The following ZFYVE9 variants were observed in gnomAD, a reference collection of about 807,000 sequenced individuals.
The protein encoded by ZFYVE9 is zinc finger FYVE-type containing 9.
Under a neutral mutation model 126.7 loss-of-function variants are expected in ZFYVE9, and 43 were observed. The ratio of observed to expected loss-of-function variants is 0.34; its 90% confidence interval spans 0.27 to 0.44. The LOEUF is 0.44. Ranked by LOEUF, ZFYVE9 falls within the 20% of genes least tolerant of loss-of-function variation. The probability of loss-of-function intolerance (pLI) is 1.00; values close to 1 mark genes in which losing one functional copy is unlikely to be tolerated. For synonymous variants in ZFYVE9, 521 were observed against 597.4 expected (o/e 0.87, Z 1.87); for missense variants, 1,476 against 1,697.0 (o/e 0.87, Z 2.29).
chr1:52,263,714 C>G (rs1164207904), intron 4 of ZFYVE9, 59 bp from the exon 5 acceptor site: 4 of 913,776 alleles, frequency 4.4e-6, no homozygotes, highest in South Asian at 1.6e-5. Flanking sequence ...TTGGTTCACT[C>G]TCTTTGCATG....
At chr1:52,339,216 G>A (rs192297321) in intron 16 of ZFYVE9, among the ~76,000 whole-genome samples, 191 of 152,260 alleles carry the variant, frequency 1.3e-3, no homozygotes, top group African/African-American at 4.2e-3. Flanking sequence ...GCACTAAAGG[G>A]AAGGTGTTAT....
intron 3 of ZFYVE9, 35 bp from the exon 4 acceptor site, chr1:52,237,453 A>G (rs1645283254): frequency 8.5e-6 from 13 of 1,537,024 alleles, no homozygotes; most frequent in African/African-American, 6.9e-5. Flanking sequence ...CCAGTGTTAC[A>G]AGCAAACTTA....
intron 4 of ZFYVE9, among the ~76,000 whole-genome samples, chr1:52,259,078 A>G (rs570205635): frequency 6.6e-6 from 1 of 152,292 alleles, no homozygotes; most frequent in South Asian, 2.1e-4. Context: ...GAAGTCTGAA[A>G]TTAAGGTGAT....
chr1:52,324,435 A>G (rs565821745), intron 13 of ZFYVE9, among the ~76,000 whole-genome samples: 3 of 152,354 alleles, frequency 2.0e-5, no homozygotes, highest in East Asian at 1.9e-4. Context: ...TTACTCCAAG[A>G]AAGTATATTC....
At chr1:52,270,995 C>G (rs144648954) in intron 7 of ZFYVE9, among the ~76,000 whole-genome samples, 1 of 152,082 alleles carries the variant, frequency 6.6e-6, no homozygotes, top group African/African-American at 2.4e-5. Flanking sequence ...TTGAGACCAG[C>G]TTGGGCAACA....
Position 52,173,753 on chromosome 1 carries a change from T to G in ZFYVE9, c.-143+31350T>G, listed in dbSNP as rs550198325. Among the ~76,000 whole-genome samples, 534 of 152,276 alleles carry G rather than the reference T, an allele frequency of 3.5e-3. 2 individuals are homozygous for G. Among genetic ancestry groups the G allele is most frequent in the African/African-American group, 0.012 (506 of 41,564 alleles). On this transcript the variant is annotated intron_variant, in intron 1 of 18. Transcript: ENST00000287727. Reference sequence around the variant, plus strand: ...TGGGAGAGTGTATGTGTCGAGGAATTTATCCATTTCTTCTAGATTTTCTAG... The same window carrying G: ...TGGGAGAGTGTATGTGTCGAGGAATGTATCCATTTCTTCTAGATTTTCTAG...
chr1:52,328,174 G>A (rs943859089), intron 13 of ZFYVE9, among the ~76,000 whole-genome samples: 9 of 152,162 alleles, frequency 5.9e-5, no homozygotes, highest in Non-Finnish European at 1.3e-4. Context: ...ACATAGAGCT[G>A]TGCTTTGATA....
intron 2 of ZFYVE9, 110 bp downstream of exon 2, chr1:52,216,584 T>G: frequency 2.5e-6 from 1 of 396,132 alleles, no homozygotes; most frequent in Non-Finnish European, 4.5e-6. Context: ...TAACATTGTG[T>G]CTTATTAAAT....
intron 2 of ZFYVE9, among the ~76,000 whole-genome samples, chr1:52,223,037 CAT>C (rs1645138652): frequency 6.6e-6 from 1 of 152,106 alleles, no homozygotes; most frequent in Non-Finnish European, 1.5e-5. Flanking sequence ...TGGGAGAAAA[CAT>C]AGGGAAAGCG....
At chr1:52,290,743 G>A (rs932157523) in intron 10 of ZFYVE9, among the ~76,000 whole-genome samples, 2 of 152,122 alleles carry the variant, frequency 1.3e-5, no homozygotes, top group South Asian at 4.1e-4. Flanking sequence ...ATCATTGAAA[G>A]TCCCCCCAAA....
intron 1 of ZFYVE9, among the ~76,000 whole-genome samples, chr1:52,187,285 C>T (rs574403870): frequency 6.6e-6 from 1 of 152,242 alleles, no homozygotes; most frequent in South Asian, 2.1e-4. Flanking sequence ...TGAAGCTGGA[C>T]CCCTTCTTTA....
intron 4 of ZFYVE9, among the ~76,000 whole-genome samples, chr1:52,257,794 G>A (rs1013976952): frequency 2.0e-5 from 3 of 152,180 alleles, no homozygotes; most frequent in Non-Finnish European, 2.9e-5. Context: ...GAATGCGGTG[G>A]CGCGATCTCT....
intron 4 of ZFYVE9, chr1:52,253,643 C>T (rs1645473956): frequency 4.0e-6 from 6 of 1,493,474 alleles, no homozygotes; most frequent in African/African-American, 1.4e-5. Flanking sequence ...AACAAGGCAC[C>T]TCCTGGTACT....
rs1645979602 is a variant in ZFYVE9 at position 52,296,776 on chromosome 1, C to G, written c.3333+799C>G. ...TTACCACTTTGACAATGTTCCATAGCAAGTAAACTCCTTCAAGTAGCAAAG... is the reference window on the plus strand; with the variant it reads ...TTACCACTTTGACAATGTTCCATAGGAAGTAAACTCCTTCAAGTAGCAAAG... On this transcript the variant is annotated intron_variant, in intron 12 of 18. Transcript: ENST00000287727. Among the ~76,000 whole-genome samples, 5 of 152,006 alleles carry G rather than the reference C, an allele frequency of 3.3e-5. No individual in the cohort carries two copies. The South Asian group carries it at 8.3e-4, about 25-fold the overall frequency.
At chr1:52,259,694 G>A (rs1645560125) in intron 4 of ZFYVE9, among the ~76,000 whole-genome samples, 1 of 151,980 alleles carries the variant, frequency 6.6e-6, no homozygotes, top group African/African-American at 2.4e-5. Flanking sequence ...CTGTTCAGGA[G>A]GCTGAAGCAC....
chr1:52,215,493 AGGAAATTTTTCTT>A (rs1373510484), intron 1 of ZFYVE9, among the ~76,000 whole-genome samples: 1 of 152,206 alleles, frequency 6.6e-6, no homozygotes, highest in Non-Finnish European at 1.5e-5. Flanking sequence ...TTGTAATGTC[AGGAAATTTTTCTT>A]GCTGCCTCAG....
At chr1:52,192,295 C>T (rs1644823087) in intron 1 of ZFYVE9, among the ~76,000 whole-genome samples, 1 of 152,212 alleles carries the variant, frequency 6.6e-6, no homozygotes, top group South Asian at 2.1e-4. Context: ...GTAAGTTTGA[C>T]ACCATCATTA....
At chr1:52,314,076 A>G (rs1646161158) in intron 13 of ZFYVE9, among the ~76,000 whole-genome samples, 1 of 152,218 alleles carries the variant, frequency 6.6e-6, no homozygotes, top group African/African-American at 2.4e-5. Flanking sequence ...AAAATTTCCA[A>G]ATTTAATGAA....
chr1:52,309,704 A>G (rs1646120213), intron 13 of ZFYVE9, among the ~76,000 whole-genome samples: 2 of 152,268 alleles, frequency 1.3e-5, no homozygotes, highest in Middle Eastern at 3.4e-3. Flanking sequence ...AGATTTTAAT[A>G]TGATAATTTA....
Sources: gnomAD v4.1 joint callset for allele counts (sites outside exome capture counted in the v4.1 genomes callset) on GRCh38, gnomAD v4.1.1 for gene constraint, MANE v1.5 for transcripts, NCBI Gene and HGNC (gene_info 2026-07-23, HGNC 2026-07-21) for gene names.